The following TRMT5 variants were observed in gnomAD, a reference collection of about 807,000 sequenced individuals.
TRMT5 encodes tRNA (guanine(37)-N(1))-methyltransferase.
A neutral mutation model predicts 42.2 loss-of-function variants in TRMT5; 31 were observed. The observed-to-expected ratio is 0.73, with a 90% confidence interval of 0.55 to 0.99. The LOEUF is 0.99. Among genes scored for constraint, TRMT5 ranks in the 50% least tolerant of loss-of-function variants. TRMT5 has a pLI of 0.00. For missense variants in TRMT5, 568 were observed against 595.0 expected, an observed-to-expected ratio of 0.95 and a Z score of 0.47; for synonymous variants, 198 against 209.6, an observed-to-expected ratio of 0.94 and a Z score of 0.48.
At chr14:60,977,674 T>G (rs1276764442) in intron 2 of TRMT5, 36 bp from the exon 3 acceptor site, 1 of 1,544,426 alleles carries the variant, frequency 6.5e-7, no homozygotes, top group Non-Finnish European at 8.7e-7. Flanking sequence ...ATACTGCCTA[T>G]TGGTTGCAAA....
rs2036824823 is a variant in TRMT5, at chr14:60,975,134, T to G, written c.1505A>C (p.Lys502Thr). The G allele has an allele frequency of 6.2e-7, 1 of 1,610,346 alleles. No individual in the cohort carries two copies. Among genetic ancestry groups the G allele is most frequent in the African/African-American group, 1.3e-5 (1 of 74,704 alleles). Residue 502 changes from lysine (K) to threonine (T), a missense_variant, in exon 5 of 5, where the codon AAA (lysine) becomes ACA (threonine). Physicochemically the swap from Lys to Thr is moderately conservative, Grantham distance 78 (BLOSUM62 -1). Coordinates refer to ENST00000261249, the MANE Select transcript of TRMT5 (RefSeq NM_020810.3). ...QRTAEAFSDE[K>T]TQIVSNT ...TTAAGTGTTTGAAACAATTTGTGTT[T>G]TTTCGTCTGAAAAGGCTTCAGCCGT...
chr14:60,976,856 A>G (rs2036854783), intron 3 of TRMT5, among the ~76,000 whole-genome samples: 1 of 152,168 alleles, frequency 6.6e-6, no homozygotes, highest in Non-Finnish European at 1.5e-5. Flanking sequence ...GACACCTTAA[A>G]AAACAGAAAA....
intron 1 of TRMT5, 89 bp downstream of exon 1, chr14:60,980,874 T>A: frequency 1.2e-6 from 2 of 1,600,486 alleles, no homozygotes; most frequent in East Asian, 4.5e-5. Context: ...GCGATGTTTC[T>A]GTGCCCAGGC....
intron 4 of TRMT5, 95 bp from the exon 5 acceptor site, chr14:60,975,289 A>C (rs542105750): frequency 5.3e-6 from 7 of 1,322,290 alleles, no homozygotes; most frequent in Non-Finnish European, 7.3e-6. Context: ...TAATCTAGTC[A>C]ACTTAAACAT....
In TRMT5 at chr14:60,972,592, C is replaced by A. The variant is rs2036792135; in HGVS notation, c.*2517G>T. On this transcript the variant is annotated 3_prime_UTR_variant, in exon 5 of 5. Coordinates refer to ENST00000261249, the MANE Select transcript of TRMT5 (RefSeq NM_020810.3). ...ACTGCTCCCACGCTTTTTTAATTGA[C>A]AAAATTCAAAATATAGCCCAATTTT... 1 of 330,368 alleles carries A rather than the reference C, an allele frequency of 3.0e-6. No homozygotes were observed. Among genetic ancestry groups the A allele is most frequent in the Non-Finnish European group, 5.8e-6 (1 of 170,974 alleles). 20.5% of individuals were successfully genotyped at this position (330,368 alleles called of 1,614,324 possible). A position where few individuals can be genotyped will look rare whatever the true frequency, so the allele number is the denominator to read the frequency against.
chr14:60,976,096 C>A lies in TRMT5; in HGVS notation c.823G>T (p.Asp275Tyr). Residue 275 changes from aspartate to tyrosine, a missense_variant, in exon 4 of 5, where the codon GAT (aspartate) becomes TAT (tyrosine). Asp to Tyr is a radical substitution (Grantham distance 160, BLOSUM62 -3). Coordinates refer to ENST00000261249, the MANE Select transcript of TRMT5 (RefSeq NM_020810.3). The stretch of plus-strand genomic sequence containing the variant: ...GGATTCCAATAGACTTTTGAAAAAT[C>A]AAATTCATAGGTGTAGTTGTTTTCT... ...VRENNYTYEF[D>Y]FSKVYWNPRL... 1 of 1,610,358 alleles carries A rather than the reference C, an allele frequency of 6.2e-7. No individual in the cohort carries two copies. Among genetic ancestry groups the A allele is most frequent in the Non-Finnish European group, 8.5e-7 (1 of 1,178,484 alleles).
In TRMT5 at chr14:60,975,736, ACT is replaced by A. The variant is rs2036838076; in HGVS notation, c.1181_1182del (p.Glu394ValfsTer3). 6.2e-7 allele frequency: 1 copy of A among 1,613,866 alleles called. No homozygotes were observed. On this transcript the variant is annotated frameshift_variant, in exon 4 of 5. Transcript: ENST00000261249. LOFTEE classifies it high-confidence loss of function. ...VVMNLPAKAI[E>X]FLSAFKWLLD... Reference sequence around the variant, plus strand: ...AAAAGCCACTTGAAAGCACTAAGAAACTCTATAGCTTTTGCTGGCAAGTTCAT... The same window carrying A: ...AAAAGCCACTTGAAAGCACTAAGAAACTATAGCTTTTGCTGGCAAGTTCAT...
chr14:60,977,326 A>G (rs1228974053), intron 3 of TRMT5, among the ~76,000 whole-genome samples, 188 bp downstream of exon 3: 1 of 152,200 alleles, frequency 6.6e-6, no homozygotes, highest in Non-Finnish European at 1.5e-5. Context: ...TTGTATCACT[A>G]TATGAGAATT....
rs76739747 is a variant in TRMT5 at position 60,981,028 on chromosome 14, C to T, written c.-55G>A. 9.9e-6 allele frequency: 16 copies of T among 1,610,588 alleles called. No homozygotes were observed. The South Asian group carries it at 1.3e-4, about 13-fold the overall frequency. ...ATCCGCGAGCCGACCCCTCACCTCC[C>T]GCTCCGGTACCGATCGGATGTGGGT... On this transcript the variant is annotated 5_prime_UTR_variant, in exon 1 of 5. Transcript: ENST00000261249.
At chr14:60,978,371 A>G (rs1330188194) in intron 2 of TRMT5, among the ~76,000 whole-genome samples, 1 of 152,198 alleles carries the variant, frequency 6.6e-6, no homozygotes, top group Non-Finnish European at 1.5e-5. Flanking sequence ...CATTTGTCCC[A>G]TTTCTGATAA....
chr14:60,971,898 T>C lies in TRMT5; in HGVS notation c.*3211A>G, dbSNP rs1264133944. On this transcript the variant is annotated 3_prime_UTR_variant, in exon 5 of 5. Coordinates refer to ENST00000261249, the MANE Select transcript of TRMT5 (RefSeq NM_020810.3). ...AGGGGATTAAGTCTATGCTGAAAGATGGAAAGGGAAAAGAAGACATAAAAA... is the reference window on the plus strand; with the variant it reads ...AGGGGATTAAGTCTATGCTGAAAGACGGAAAGGGAAAAGAAGACATAAAAA... 2 of 224,248 alleles carry C rather than the reference T, an allele frequency of 8.9e-6. No individual in the cohort carries two copies. 13.9% of individuals were successfully genotyped at this position (224,248 alleles called of 1,614,324 possible). A position where few individuals can be genotyped will look rare whatever the true frequency, so the allele number is the denominator to read the frequency against.
In TRMT5 at chr14:60,975,971, T is replaced by C. The variant is rs1198734003; in HGVS notation, c.948A>G (p.Val316=). 1 of 1,614,214 alleles carries C rather than the reference T, an allele frequency of 6.2e-7. No individual in the cohort carries two copies. The highest frequency in any genetic ancestry group is 8.5e-7 in the Non-Finnish European group (1 of 1,180,034). ...FAGVGPFAIP[V]AKKNCTVFAN... ...CAAATACAGTGCAGTTTTTCTTTGCTACTGGAATGGCAAAGGGCCCAACCC... is the reference window on the plus strand; with the variant it reads ...CAAATACAGTGCAGTTTTTCTTTGCCACTGGAATGGCAAAGGGCCCAACCC... Residue 316 remains valine, a synonymous_variant, in exon 4 of 5, where the codon GTA becomes GTG. Coordinates refer to ENST00000261249, the MANE Select transcript of TRMT5 (RefSeq NM_020810.3).
chr14:60,979,104 G>C, intron 2 of TRMT5, 127 bp downstream of exon 2: 3 of 845,338 alleles, frequency 3.5e-6, no homozygotes, highest in East Asian at 5.4e-5. Context: ...TCAAGATCTA[G>C]CTTAAAGTTA....
chr14:60,981,185 G>C, upstream of TRMT5: 1 of 1,535,754 alleles, frequency 6.5e-7, no homozygotes, highest in Admixed American at 2.0e-5. Flanking sequence ...GAAGGGCCGG[G>C]CTCAAAGCTC....
In TRMT5 at chr14:60,973,683, A is replaced by G. The variant is rs921967077; in HGVS notation, c.*1426T>C. ...AAAATAAAAATAGAGTCAAAGAACCATCCAGAATCATTTCCTTTTTAAAGT... is the reference window on the plus strand; with the variant it reads ...AAAATAAAAATAGAGTCAAAGAACCGTCCAGAATCATTTCCTTTTTAAAGT... On this transcript the variant is annotated 3_prime_UTR_variant, in exon 5 of 5. Coordinates refer to ENST00000261249, the MANE Select transcript of TRMT5 (RefSeq NM_020810.3). The G allele has an allele frequency of 1.3e-5, 2 of 152,208 alleles. No homozygotes were observed. The highest frequency in any genetic ancestry group is 2.9e-5 in the Non-Finnish European group (2 of 68,034). The allele number at this position is 152,208 out of a possible 1,614,324, so 9.4% of individuals were successfully genotyped here. A position where few individuals can be genotyped will look rare whatever the true frequency, so the allele number is the denominator to read the frequency against.
chr14:60,981,651 A>G (rs1198564201), upstream of TRMT5: 10 of 1,434,570 alleles, frequency 7.0e-6, no homozygotes, highest in African/African-American at 9.9e-5. Context: ...TGCGAACATG[A>G]TGGGATGAGC....
At chr14:60,980,653 G>A (rs2036947858) in intron 1 of TRMT5, among the ~76,000 whole-genome samples, 2 of 152,148 alleles carry the variant, frequency 1.3e-5, no homozygotes, top group African/African-American at 2.4e-5. Context: ...AGGGGAAAGG[G>A]CCCTGTCCCA....
chr14:60,977,225 T>C (rs2036859391), intron 3 of TRMT5, among the ~76,000 whole-genome samples: 1 of 152,228 alleles, frequency 6.6e-6, no homozygotes, highest in Non-Finnish European at 1.5e-5. Flanking sequence ...CTTATATTGC[T>C]TTCTGGCAAT....
Position 60,975,514 on chromosome 14 carries a change from G to GA in TRMT5, c.1404dup (p.Pro469SerfsTer17). On this transcript the variant is annotated frameshift_variant, in exon 4 of 5. Transcript: ENST00000261249. LOFTEE classifies it high-confidence loss of function. ...TGGTTCTTGTAGAGGACAGAGGCAG[G>GA]AATCTGAAACGTGATGCACAGCATT... 1.2e-6 allele frequency: 2 copies of GA among 1,614,156 alleles called. No individual in the cohort carries two copies. Among genetic ancestry groups the GA allele is most frequent in the Non-Finnish European group, 1.7e-6 (2 of 1,180,004 alleles).
Sources: allele counts gnomAD v4.1 joint callset (sites outside exome capture counted in the v4.1 genomes callset), GRCh38; gene constraint gnomAD v4.1.1; transcripts MANE v1.5; gene names NCBI Gene and HGNC (gene_info 2026-07-23, HGNC 2026-07-21).